ESPL1: variants seen among roughly 807,000 people sequenced by gnomAD.
ESPL1 encodes extra spindle pole bodies like 1, separase, also known as separin.
In ESPL1, 50 loss-of-function variants were observed where a neutral mutation model predicts 217.2. The observed-to-expected ratio is 0.23, with a 90% CI of 0.18 to 0.29. The LOEUF is 0.29. Among genes scored for constraint, ESPL1 ranks in the 10% least tolerant of loss-of-function variants. ESPL1 has a pLI of 1.00. For missense variants in ESPL1, 1,834 were observed against 2,603.0 expected, an observed-to-expected ratio of 0.70 and a Z score of 6.43; for synonymous variants, 994 against 1,081.3, an observed-to-expected ratio of 0.92 and a Z score of 1.58.
At chr12:53,289,929 A>G in intron 22 of ESPL1, 156 bp from the exon 23 acceptor site, 1 of 728,010 alleles carries the variant, frequency 1.4e-6, no homozygotes, top group South Asian at 1.9e-5. Flanking sequence ...CTCTGTGCAC[A>G]GGGAGCTATT....
At position 53,279,785 on chromosome 12, in the gene ESPL1, G is replaced by A. The variant is rs567728499; in HGVS notation, c.2418G>A (p.Leu806=). Residue 806 remains leucine (L), a synonymous_variant, in exon 12 of 31, where the codon CTG becomes CTA. Transcript: ENST00000257934. The part of the protein sequence containing the change: ...LLLLRIVSER[L]KDHSKAAGSS... ...TGCTACGGATTGTCTCTGAGAGACT[G>A]AAGGACCACTCGAAGGCAGCTGGCT... The A allele has an allele frequency of 5.6e-6, 9 of 1,613,822 alleles. No homozygotes were observed. The highest frequency in any genetic ancestry group is 1.3e-5 in the African/African-American group (1 of 74,906).
At chr12:53,276,917 T>G (rs1181473940) in intron 8 of ESPL1, 58 bp downstream of exon 8, 2 of 1,586,578 alleles carry the variant, frequency 1.3e-6, no homozygotes, top group African/African-American at 1.3e-5. Flanking sequence ...CCTCTCACCC[T>G]CTTGAGAACC....
chr12:53,274,711 C>T, intron 6 of ESPL1, 106 bp from the exon 7 acceptor site: 1 of 917,700 alleles, frequency 1.1e-6, no homozygotes, highest in Non-Finnish European at 1.7e-6. Context: ...CACCTGCCAA[C>T]CCCGCCCCCT....
At chr12:53,268,714 C>A in intron 1 of ESPL1, 41 bp from the exon 2 acceptor site, 1 of 1,237,964 alleles carries the variant, frequency 8.1e-7, no homozygotes, top group Non-Finnish European at 1.2e-6. Context: ...CTCCAGTTAG[C>A]TTCATTAACA....
chr12:53,291,022 G>A (rs1490177387), intron 25 of ESPL1, 26 bp downstream of exon 25: 6 of 1,551,132 alleles, frequency 3.9e-6, no homozygotes, highest in Admixed American at 1.9e-5. Context: ...AGGGAAGGGG[G>A]CCAGGCCCAG....
intron 11 of ESPL1, among the ~76,000 whole-genome samples, chr12:53,278,469 C>T (rs1223634422): frequency 8.7e-6 from 1 of 115,294 alleles, no homozygotes; most frequent in Non-Finnish European, 1.8e-5. Flanking sequence ...GAGCAAGATG[C>T]TGTTTCACGC....
In ESPL1 at chr12:53,292,017, A is replaced by C. The variant is rs1054550248; in HGVS notation, c.5725A>C (p.Ser1909Arg). Residue 1909 changes from serine (S) to arginine (R), a missense_variant, in exon 27 of 31, where the codon AGC (serine) becomes CGC (arginine). Physicochemically the swap from Ser to Arg is moderately radical, Grantham distance 110 (BLOSUM62 -1). Around this residue, in one of 5 missense-constraint regions of ESPL1, gnomAD observed 295 missense variants for 519.8 expected, o/e 0.57. Coordinates refer to ENST00000257934, the MANE Select transcript of ESPL1 (RefSeq NM_012291.5). This position sits in a 1 kb window ranked among gnomAD's most constrained non-coding sequence, Gnocchi z 4.5. ...LQKLPWESMP[S>R]LQALPVTRLP... ...GAAGCTGCCGTGGGAAAGCATGCCC[A>C]GCCTCCAAGCACTGCCTGTCACCCG... 6.2e-7 allele frequency: 1 copy of C among 1,614,128 alleles called. No individual in the cohort carries two copies. Among genetic ancestry groups the C allele is most frequent in the Non-Finnish European group, 8.5e-7 (1 of 1,180,014 alleles).
At chr12:53,268,940 T>C (rs748881484) in intron 2 of ESPL1, 84 bp from the exon 3 acceptor site, 51 of 1,493,740 alleles carry the variant, frequency 3.4e-5, no homozygotes, top group Non-Finnish European at 4.6e-5. Flanking sequence ...TAGGCGACCC[T>C]CTCTGAGTAA....
chr12:53,280,002 G>C, intron 12 of ESPL1, 136 bp downstream of exon 12: 1 of 1,023,384 alleles, frequency 9.8e-7, no homozygotes, highest in Non-Finnish European at 1.4e-6. Context: ...ATTGTGGAGT[G>C]TGGAGCAGTT....
chr12:53,270,720 A>G lies in ESPL1; in HGVS notation c.1291A>G (p.Lys431Glu). Reference protein sequence around the residue: ...ADLTQLVDSCKSTVVWMLEAL... With the variant: ...ADLTQLVDSCESTVVWMLEAL... ...CCTGACCCAACTAGTGGACAGTTGT[A>G]AATCTACCGTTGTCTGGATGCTGGA... Residue 431 changes from lysine (K) to glutamate (E), a missense_variant, in exon 5 of 31, where the codon AAA becomes GAA. Lys to Glu is a moderately conservative substitution (Grantham distance 56). Transcript: ENST00000257934. The G allele has an allele frequency of 2.5e-6, 4 of 1,614,158 alleles. No homozygotes were observed. Among genetic ancestry groups the G allele is most frequent in the Non-Finnish European group, 3.4e-6 (4 of 1,180,012 alleles).
rs761454285 is a variant in ESPL1, at chr12:53,289,321, C to G, written c.4922+18C>G. 1 of 1,610,944 alleles carries G rather than the reference C, an allele frequency of 6.2e-7. No individual in the cohort carries two copies. The highest frequency in any genetic ancestry group is 8.5e-7 in the Non-Finnish European group (1 of 1,179,930). On this transcript the variant is annotated intron_variant, in intron 21 of 30. Coordinates refer to ENST00000257934, the MANE Select transcript of ESPL1 (RefSeq NM_012291.5). ...CAGCTCAGGTGGGTGCTGACCATCC[C>G]CAAGACTCCTGCTGGGGCAGACTAG...
At position 53,292,597 on chromosome 12, in the gene ESPL1, T is replaced by C; in HGVS notation, c.5936T>C (p.Val1979Ala). The change falls in exon 29 of 31, where the codon GTT (valine) becomes GCT (alanine). Residue 1979 changes from valine to alanine, a missense_variant. Around this residue, in one of 5 missense-constraint regions of ESPL1, gnomAD observed 295 missense variants for 519.8 expected, o/e 0.57. Transcript: ENST00000257934. The surrounding 1 kb of genome is among the most constrained non-coding windows in gnomAD (Gnocchi z 4.5). ...FSSEAGWRGV[V>A]GEVPRPEQVQ... is the part of the protein sequence containing the mutation. The stretch of plus-strand genomic sequence containing the variant: ...AGTGAAGCTGGCTGGAGAGGAGTGG[T>C]TGGGGAGGTGCCAAGACCTGAACAG... The C allele has an allele frequency of 5.0e-6, 8 of 1,612,408 alleles. No homozygotes were observed. Among genetic ancestry groups the C allele is most frequent in the Non-Finnish European group, 6.8e-6 (8 of 1,179,908 alleles).
At chr12:53,276,154 A>G (rs1184750579) in intron 7 of ESPL1, among the ~76,000 whole-genome samples, 11 of 152,074 alleles carry the variant, frequency 7.2e-5, no homozygotes, top group Non-Finnish European at 1.5e-5. Context: ...GCTGTAGTGA[A>G]CCGTGATCAC....
chr12:53,268,644 C>T (rs1943610512), intron 1 of ESPL1, 111 bp from the exon 2 acceptor site: 3 of 649,988 alleles, frequency 4.6e-6, no homozygotes, highest in Middle Eastern at 8.3e-4. Context: ...GTTTTCTCCC[C>T]GATGAAATTT....
At position 53,270,758 on chromosome 12, in the gene ESPL1, C is replaced by T. The variant is rs765316711; in HGVS notation, c.1329C>T (p.Gly443=). ...TVVWMLEALE[G]LSGQELTDHM... ...TCTGGATGCTGGAGGCCTTAGAGGGCCTGTCGGGCCAAGAGCTGACGGACC... is the reference window on the plus strand; with the variant it reads ...TCTGGATGCTGGAGGCCTTAGAGGGTCTGTCGGGCCAAGAGCTGACGGACC... The change falls in exon 5 of 31, where the codon GGC becomes GGT. Residue 443 remains glycine, a synonymous_variant. Transcript: ENST00000257934. 4 of 1,614,170 alleles carry T rather than the reference C, an allele frequency of 2.5e-6. No homozygotes were observed. Among genetic ancestry groups the T allele is most frequent in the Non-Finnish European group, 3.4e-6 (4 of 1,180,024 alleles).
rs770277802 is a variant in ESPL1, at chr12:53,269,118, A to G, written c.176A>G (p.Gln59Arg). 4 of 1,614,072 alleles carry G rather than the reference A, an allele frequency of 2.5e-6. No individual in the cohort carries two copies. In the Admixed American group the frequency reaches 6.7e-5, roughly 27 times the overall value. ...ACDAILRACN[Q>R]QLTAKLACPR... ...GATGCCATCCTGAGGGCTTGCAACC[A>G]GCAGCTGACTGCTAAGCTAGCTTGC... is the stretch of plus-strand genomic sequence containing the variant. Residue 59 changes from glutamine to arginine, a missense_variant, in exon 3 of 31, where the codon CAG becomes CGG. By Grantham distance (43) the Gln-to-Arg change is conservative (BLOSUM62 1). Coordinates refer to ENST00000257934, the MANE Select transcript of ESPL1 (RefSeq NM_012291.5). The surrounding 1 kb of genome is among the most constrained non-coding windows in gnomAD (Gnocchi z 6.7).
chr12:53,268,536 A>C, intron 1 of ESPL1, 159 bp downstream of exon 1: 2 of 524,598 alleles, frequency 3.8e-6, no homozygotes, highest in Non-Finnish European at 6.8e-6. Flanking sequence ...CCTCTGGGGT[A>C]GCGCGGCGAG....
chr12:53,278,292 C>T (rs889032534), intron 11 of ESPL1, among the ~76,000 whole-genome samples: 53 of 151,998 alleles, frequency 3.5e-4, no homozygotes, highest in African/African-American at 3.6e-4. Context: ...CTGGGCAACA[C>T]GGCGAAACCC....
At position 53,288,346 on chromosome 12, in the gene ESPL1, G is replaced by A; in HGVS notation, c.4546+5G>A. 6.3e-7 allele frequency: 1 copy of A among 1,588,822 alleles called. No homozygotes were observed. Among genetic ancestry groups the A allele is most frequent in the Non-Finnish European group, 8.6e-7 (1 of 1,167,776 alleles). ...ACGGGGAAGACTCAGCCTCAGGTAG[G>A]ACAGCAAGGGTGAGGTGGAAGGTGC... is the stretch of plus-strand genomic sequence containing the variant. On this transcript the variant is annotated splice_donor_5th_base_variant and intron_variant, in intron 19 of 30. Coordinates refer to ENST00000257934, the MANE Select transcript of ESPL1 (RefSeq NM_012291.5).
Sources: allele counts gnomAD v4.1 joint callset (sites outside exome capture counted in the v4.1 genomes callset), GRCh38; gene constraint gnomAD v4.1.1; regional missense constraint gnomAD v4.1.1; non-coding constraint Gnocchi (gnomAD v3.1); transcripts MANE v1.5; gene names NCBI Gene and HGNC (gene_info 2026-07-23, HGNC 2026-07-21).